Variants in SLC24A3 observed in about 807,000 individuals in gnomAD.
SLC24A3 encodes solute carrier family 24 member 3, also known as sodium/potassium/calcium exchanger 3.
SLC24A3 carries 28 observed loss-of-function variants against 75.8 expected under a neutral mutation model. The observed-to-expected ratio is 0.37, with a 90% confidence interval of 0.27 to 0.51. The LOEUF is 0.51. Ranked by LOEUF, SLC24A3 falls within the 20% of genes least tolerant of loss-of-function variation. SLC24A3 has a pLI of 0.94. For missense variants in SLC24A3, 663 were observed against 847.8 expected, an observed-to-expected ratio of 0.78 and a Z score of 2.71; for synonymous variants, 372 against 334.1, an observed-to-expected ratio of 1.11 and a Z score of -1.24.
chr20:19,538,226 G>A (rs2030435215), intron 3 of SLC24A3, among the ~76,000 whole-genome samples: 1 of 152,054 alleles, frequency 6.6e-6, no homozygotes, highest in Non-Finnish European at 1.5e-5. Context: ...ATGTTTCTCA[G>A]GATCCACTGG....
chr20:19,581,148 A>G (rs972706502), intron 4 of SLC24A3, among the ~76,000 whole-genome samples: 3 of 152,338 alleles, frequency 2.0e-5, no homozygotes, highest in Non-Finnish European at 1.5e-5. Flanking sequence ...ACAGTAGCAC[A>G]GAGTAATTGA....
chr20:19,632,375 C>A (rs1378671907), intron 6 of SLC24A3, among the ~76,000 whole-genome samples: 1 of 152,140 alleles, frequency 6.6e-6, no homozygotes, highest in Non-Finnish European at 1.5e-5. Context: ...TGGAGAGAAT[C>A]CATTTCTTTG....
At chr20:19,282,279 T>TCCACCA (rs898835404) in intron 2 of SLC24A3, among the ~76,000 whole-genome samples, 1 of 152,064 alleles carries the variant, frequency 6.6e-6, no homozygotes, top group Non-Finnish European at 1.5e-5. Flanking sequence ...CTGCCCTGCC[T>TCCACCA]CCACCACCAC....
At chr20:19,638,227 T>C (rs1002628168) in intron 6 of SLC24A3, among the ~76,000 whole-genome samples, 1 of 152,178 alleles carries the variant, frequency 6.6e-6, no homozygotes, top group Admixed American at 6.5e-5. Flanking sequence ...TTTTTCATAG[T>C]GGGATTCAAT....
intron 2 of SLC24A3, among the ~76,000 whole-genome samples, chr20:19,406,225 T>TGAGAGA (rs11087283): frequency 0.019 from 2,864 of 151,878 alleles, 88 homozygotes; most frequent in African/African-American, 0.064. Context: ...TGTGTGTGTG[T>TGAGAGA]GTGAGAGAGA....
intron 2 of SLC24A3, among the ~76,000 whole-genome samples, chr20:19,333,792 T>C (rs1431816349): frequency 2.6e-5 from 4 of 152,114 alleles, no homozygotes; most frequent in Non-Finnish European, 4.4e-5. Flanking sequence ...GCATATTCTG[T>C]TGCCTAGCCT....
At chr20:19,319,951 C>T (rs981371608) in intron 2 of SLC24A3, among the ~76,000 whole-genome samples, 4 of 152,188 alleles carry the variant, frequency 2.6e-5, no homozygotes, top group South Asian at 2.1e-4. Context: ...ATGGGGAGGT[C>T]GCAGAGCTTC....
At chr20:19,678,005 G>C (rs2032548114) in intron 9 of SLC24A3, among the ~76,000 whole-genome samples, 1 of 151,598 alleles carries the variant, frequency 6.6e-6, no homozygotes, top group Non-Finnish European at 1.5e-5. Flanking sequence ...ACATGTTTCA[G>C]AGAGCACAGG....
At chr20:19,347,897 G>A (rs1219061351) in intron 2 of SLC24A3, among the ~76,000 whole-genome samples, 2 of 152,202 alleles carry the variant, frequency 1.3e-5, no homozygotes, top group African/African-American at 4.8e-5. Context: ...GGGTTGTTGT[G>A]AAGGTGAAGA....
chr20:19,359,622 G>C (rs1985750953), intron 2 of SLC24A3, among the ~76,000 whole-genome samples: 7 of 152,208 alleles, frequency 4.6e-5, no homozygotes, highest in Admixed American at 3.9e-4. Context: ...TTCTCAAGGG[G>C]CAAGTCCCCA....
chr20:19,591,071 C>T (rs2031369846), intron 6 of SLC24A3, among the ~76,000 whole-genome samples: 1 of 152,086 alleles, frequency 6.6e-6, no homozygotes, highest in Admixed American at 6.5e-5. Flanking sequence ...CCTGACAGGG[C>T]CCCACACCTG....
intron 15 of SLC24A3, among the ~76,000 whole-genome samples, chr20:19,711,288 AAC>A (rs1447932265): frequency 5.7e-5 from 3 of 53,096 alleles, no homozygotes; most frequent in Non-Finnish European, 1.0e-4. Flanking sequence ...TATGCATGCA[AAC>A]ACGCACACAC....
chr20:19,280,339 C>T (rs558792779), intron 1 of SLC24A3, among the ~76,000 whole-genome samples: 1 of 152,114 alleles, frequency 6.6e-6, no homozygotes, highest in Non-Finnish European at 1.5e-5. Context: ...TTGGGGATGG[C>T]AAATTATGTC....
chr20:19,214,263 C>T (rs1981490885), intron 1 of SLC24A3, among the ~76,000 whole-genome samples: 1 of 152,080 alleles, frequency 6.6e-6, no homozygotes, highest in Non-Finnish European at 1.5e-5. Flanking sequence ...CGGCTCTCTC[C>T]ATTGCTCTCC....
intron 9 of SLC24A3, among the ~76,000 whole-genome samples, chr20:19,676,371 A>G (rs775016652): frequency 1.3e-5 from 2 of 152,214 alleles, no homozygotes; most frequent in African/African-American, 2.4e-5. Context: ...TGTTCAAACC[A>G]GCAGGATACA....
chr20:19,223,776 G>A (rs756746902), intron 1 of SLC24A3, among the ~76,000 whole-genome samples: 26 of 152,142 alleles, frequency 1.7e-4, no homozygotes, highest in Non-Finnish European at 1.2e-4. Context: ...GGTGCATGAC[G>A]TAGGCCTGTG....
chr20:19,567,615 T>C (rs1169574347), intron 3 of SLC24A3, among the ~76,000 whole-genome samples: 1 of 152,186 alleles, frequency 6.6e-6, no homozygotes, highest in African/African-American at 2.4e-5. Context: ...ACATTCAGTT[T>C]ACCCATGTAA....
intron 2 of SLC24A3, among the ~76,000 whole-genome samples, chr20:19,475,126 C>CAT (rs1600244656): frequency 1.3e-5 from 2 of 152,102 alleles, no homozygotes; most frequent in East Asian, 3.9e-4. Context: ...ATCACAAGGT[C>CAT]AGGAGATCGA....
At chr20:19,652,603 A>G (rs1027491269) in intron 6 of SLC24A3, among the ~76,000 whole-genome samples, 11 of 152,354 alleles carry the variant, frequency 7.2e-5, no homozygotes, top group South Asian at 6.2e-4. Context: ...TCACCTAATA[A>G]GGCAAAATTA....
Sources: allele counts gnomAD v4.1 joint callset (sites outside exome capture counted in the v4.1 genomes callset), GRCh38; gene constraint gnomAD v4.1.1; transcripts MANE v1.5; gene names NCBI Gene and HGNC (gene_info 2026-07-23, HGNC 2026-07-21).